The following CDK14 variants were observed in gnomAD, a reference collection of about 807,000 sequenced individuals.
CDK14 encodes cyclin dependent kinase 14, also known as cyclin-dependent kinase 14.
CDK14 carries 34 observed loss-of-function variants against 60.7 expected under a neutral mutation model. The observed-to-expected ratio is 0.56, with a 90% confidence interval of 0.43 to 0.75. The LOEUF is 0.75. CDK14 is among the 30% of genes least tolerant of loss of function. CDK14 has a pLI of 0.00. For synonymous variants in CDK14, 197 were observed against 203.7 expected (o/e 0.97, Z 0.28); for missense variants, 482 against 564.1 (o/e 0.85, Z 1.47).
chr7:90,984,276 G>T, intron 10 of CDK14, 35 bp downstream of exon 10: 1 of 1,395,590 alleles, frequency 7.2e-7, no homozygotes, highest in South Asian at 1.2e-5. Flanking sequence ...AAGAAAAATT[G>T]GTTTCTAATT....
At chr7:91,159,620 G>A (rs1046721310) in intron 14 of CDK14, among the ~76,000 whole-genome samples, 8 of 152,220 alleles carry the variant, frequency 5.3e-5, no homozygotes, top group Non-Finnish European at 7.3e-5. Context: ...GCAGCAAGGC[G>A]AAGTGGAGCT....
rs1017968728 is a variant in CDK14, at chr7:90,868,337, A to T, written c.639+5068A>T. On this transcript the variant is annotated intron_variant, in intron 6 of 14. Transcript: ENST00000380050. ...CACACATACACATACATACACACAC[A>T]TTAATGGAGTAATGGATATATTTAT... 1.1e-4 allele frequency among the ~76,000 whole-genome samples: 16 copies of T among 151,548 alleles called. 1 individual carries two copies. The highest frequency in any genetic ancestry group is 6.3e-4 in the South Asian group (3 of 4,796).
chr7:90,921,989 T>G (rs530269316), intron 8 of CDK14, among the ~76,000 whole-genome samples: 1 of 152,322 alleles, frequency 6.6e-6, no homozygotes, highest in South Asian at 2.1e-4. Context: ...CTTCTCTGAA[T>G]TCACATAAGA....
intron 2 of CDK14, among the ~76,000 whole-genome samples, chr7:90,618,074 G>A (rs963873594): frequency 3.9e-5 from 6 of 152,090 alleles, no homozygotes; most frequent in Admixed American, 1.3e-4. Flanking sequence ...CATTTTCTTC[G>A]AATCCTGAAT....
At chr7:91,106,206 A>G (rs1175595615) in intron 12 of CDK14, among the ~76,000 whole-genome samples, 1 of 152,222 alleles carries the variant, frequency 6.6e-6, no homozygotes, top group Non-Finnish European at 1.5e-5. Flanking sequence ...AAGACCTAAC[A>G]TTGCAATTGC....
rs1294864066 is a variant in CDK14 at position 90,955,758 on chromosome 7, G to A, written c.888G>A (p.Trp296Ter). The A allele has an allele frequency of 6.2e-7, 1 of 1,613,528 alleles. No individual in the cohort carries two copies. The highest frequency in any genetic ancestry group is 1.3e-5 in the African/African-American group (1 of 75,012). Residue 296 changes from tryptophan to a stop codon, truncating the protein, a stop_gained, in exon 9 of 15, where the codon TGG becomes TGA. Transcript: ENST00000380050. LOFTEE classifies it high-confidence loss of function. ...HTYSNEVVTLWYRPPDVLLGS... is the reference protein window; with the variant it reads ...HTYSNEVVTL ...ACTCCAACGAAGTGGTTACCTTGTGGTACAGACCTCCAGATGTCCTTCTAG... is the reference window on the plus strand; with the variant it reads ...ACTCCAACGAAGTGGTTACCTTGTGATACAGACCTCCAGATGTCCTTCTAG...
chr7:90,875,465 C>T (rs573794569), intron 6 of CDK14, among the ~76,000 whole-genome samples: 15 of 152,254 alleles, frequency 9.9e-5, no homozygotes, highest in Admixed American at 4.6e-4. Flanking sequence ...ATTTTACAAT[C>T]CAACCAGCAG....
intron 5 of CDK14, among the ~76,000 whole-genome samples, chr7:90,812,388 G>A (rs929232602): frequency 3.9e-5 from 6 of 151,928 alleles, no homozygotes; most frequent in African/African-American, 1.5e-4. Flanking sequence ...AACACGGCAT[G>A]TTCTCACTCA....
chr7:90,648,866 T>C (rs1209672625), intron 2 of CDK14, among the ~76,000 whole-genome samples: 2 of 152,206 alleles, frequency 1.3e-5, no homozygotes, highest in Non-Finnish European at 2.9e-5. Context: ...ATATTCCAAC[T>C]TATTTTTATT....
intron 12 of CDK14, among the ~76,000 whole-genome samples, chr7:91,110,169 G>T (rs1471072429): frequency 3.3e-5 from 5 of 151,990 alleles, no homozygotes; most frequent in Non-Finnish European, 5.9e-5. Context: ...TGATGACAAA[G>T]GCTCTGATGT....
At chr7:90,670,827 T>G (rs1801081665) in intron 2 of CDK14, among the ~76,000 whole-genome samples, 1 of 152,128 alleles carries the variant, frequency 6.6e-6, no homozygotes, top group Admixed American at 6.6e-5. Flanking sequence ...GTGGGACAGA[T>G]ATCCAAATCA....
At chr7:90,599,727 T>A (rs563156755) in intron 1 of CDK14, among the ~76,000 whole-genome samples, 1 of 152,272 alleles carries the variant, frequency 6.6e-6, no homozygotes, top group Admixed American at 6.5e-5. Context: ...CTTTAACCAA[T>A]CTAAGCTTTT....
intron 11 of CDK14, among the ~76,000 whole-genome samples, chr7:91,048,013 T>G (rs1252314797): frequency 2.6e-5 from 4 of 152,170 alleles, no homozygotes; most frequent in Non-Finnish European, 5.9e-5. Context: ...TACCCCGAAG[T>G]GTGCCCTAGA....
intron 2 of CDK14, chr7:90,632,330 T>C: frequency 3.1e-6 from 1 of 324,420 alleles, no homozygotes; most frequent in East Asian, 9.4e-5. Flanking sequence ...GAATCAAGGA[T>C]CTTTTGGTTG....
intron 5 of CDK14, among the ~76,000 whole-genome samples, chr7:90,813,121 G>C (rs1789204357): frequency 6.6e-6 from 1 of 152,166 alleles, no homozygotes; most frequent in Non-Finnish European, 1.5e-5. Context: ...TAAACACTGT[G>C]CTAAGTTAAA....
chr7:90,656,774 G>A (rs1321418652), intron 2 of CDK14, among the ~76,000 whole-genome samples: 1 of 152,116 alleles, frequency 6.6e-6, no homozygotes, highest in Non-Finnish European at 1.5e-5. Flanking sequence ...TGTAGTTAGA[G>A]CATCTTGTGT....
In CDK14 at chr7:91,060,468, G is replaced by A. The variant is rs187655250; in HGVS notation, c.1105+14508G>A. 7.2e-3 allele frequency among the ~76,000 whole-genome samples: 1,091 copies of A among 152,218 alleles called. 17 individuals carry two copies. The highest frequency in any genetic ancestry group is 0.025 in the African/African-American group (1,042 of 41,540). ...ATGATGTTAGCTGGTGATTTTGCGC[G>A]TTAGTTGATGCAGTTTCTTCCTAGC... On this transcript the variant is annotated intron_variant, in intron 11 of 14. Coordinates refer to ENST00000380050, the MANE Select transcript of CDK14 (RefSeq NM_001287135.2).
chr7:91,103,673 A>G (rs1331991421), intron 12 of CDK14, among the ~76,000 whole-genome samples: 1 of 152,164 alleles, frequency 6.6e-6, no homozygotes, highest in East Asian at 1.9e-4. Flanking sequence ...TCTTAAAGAC[A>G]ATCTATTCCA....
chr7:90,601,511 G>T (rs760749144), intron 1 of CDK14, among the ~76,000 whole-genome samples: 5 of 152,202 alleles, frequency 3.3e-5, no homozygotes, highest in Non-Finnish European at 7.3e-5. Context: ...TTGTGCAGAT[G>T]AGATAATCTG....
Sources: gnomAD v4.1 joint callset for allele counts (sites outside exome capture counted in the v4.1 genomes callset) on GRCh38, gnomAD v4.1.1 for gene constraint, MANE v1.5 for transcripts, NCBI Gene and HGNC (gene_info 2026-07-23, HGNC 2026-07-21) for gene names.